MCFD2: variants seen among roughly 807,000 people sequenced by gnomAD.
MCFD2 encodes the protein multiple coagulation factor deficiency 2, ER cargo receptor complex subunit, also known as multiple coagulation factor deficiency protein 2.
In MCFD2, 11 loss-of-function variants were observed where a neutral mutation model predicts 12.8. The ratio of observed to expected loss-of-function variants is 0.86; its 90% CI spans 0.54 to 1.42. The LOEUF (loss-of-function observed/expected upper bound fraction) is 1.42. MCFD2 is among the 40% of genes most tolerant of loss of function. The pLI, the probability that MCFD2 is intolerant of heterozygous loss-of-function variation, is 0.00. For missense variants in MCFD2, 191 were observed against 178.6 expected (o/e 1.07, Z -0.40); for synonymous variants, 70 against 68.1 (o/e 1.03, Z -0.14).
At chr2:46,933,550 A>AC (rs1056034251) in intron 1 of MCFD2, among the ~76,000 whole-genome samples, 1 of 152,208 alleles carries the variant, frequency 6.6e-6, no homozygotes, top group Non-Finnish European at 1.5e-5. Flanking sequence ...TTTAATGACA[A>AC]CATTCTGGGA....
At chr2:46,933,342 G>A (rs1354709726) in intron 1 of MCFD2, among the ~76,000 whole-genome samples, 1 of 152,228 alleles carries the variant, frequency 6.6e-6, no homozygotes, top group Non-Finnish European at 1.5e-5. Flanking sequence ...ATCTCCAAGT[G>A]TGGGAAAATC....
rs1275245763 is a variant in MCFD2 at position 46,908,701 on chromosome 2, G to A, written c.149+322C>T. 5.0e-6 allele frequency: 2 copies of A among 399,384 alleles called. No individual in the cohort carries two copies. Among genetic ancestry groups the A allele is most frequent in the Non-Finnish European group, 9.3e-6 (2 of 214,324 alleles). 24.7% of individuals were successfully genotyped at this position (399,384 alleles called of 1,614,324 possible). A position where few individuals can be genotyped will look rare whatever the true frequency, so the allele number is the denominator to read the frequency against. The stretch of plus-strand genomic sequence containing the variant: ...GTCAAGAAACCTTAGCTATTTTCTG[G>A]ATTCTGCTACTATGACTGTGTATGT... On this transcript the variant is annotated intron_variant, in intron 2 of 3. Coordinates refer to ENST00000319466, the MANE Select transcript of MCFD2 (RefSeq NM_139279.6). The surrounding 1 kb of genome is among the most constrained non-coding windows in gnomAD (Gnocchi z 4.5).
At chr2:46,905,687 CTGTT>C (rs1176284373) in intron 3 of MCFD2, 93 bp from the exon 4 acceptor site, 41 of 652,220 alleles carry the variant, frequency 6.3e-5, no homozygotes, top group East Asian at 4.0e-4. Flanking sequence ...TTTCATGGCA[CTGTT>C]TATTAAAAAA....
intron 1 of MCFD2, among the ~76,000 whole-genome samples, chr2:46,922,233 T>G (rs930403371): frequency 1.3e-5 from 2 of 152,182 alleles, no homozygotes; most frequent in Non-Finnish European, 2.9e-5. Flanking sequence ...TAATGTTGCA[T>G]TAGGCCTATA....
chr2:46,931,674 A>G (rs1669710843), intron 1 of MCFD2, among the ~76,000 whole-genome samples: 1 of 149,852 alleles, frequency 6.7e-6, no homozygotes, highest in African/African-American at 2.5e-5. Context: ...CTTTGGGGGA[A>G]AAAACAAAAA....
upstream of MCFD2, chr2:46,916,129 A>G (rs1668776794): frequency 1.0e-6 from 1 of 985,372 alleles, no homozygotes; most frequent in South Asian, 4.7e-5. Flanking sequence ...GGCGGACCCC[A>G]AAGCTGGCTC....
intron 1 of MCFD2, among the ~76,000 whole-genome samples, chr2:46,923,608 T>C (rs1334952170): frequency 6.6e-6 from 1 of 152,216 alleles, no homozygotes; most frequent in African/African-American, 2.4e-5. Context: ...AAACTCAGAA[T>C]TGACCAGGTG....
chr2:46,941,559 G>C lies in MCFD2; in HGVS notation c.-8+13C>G. 6.4e-7 allele frequency: 1 copy of C among 1,555,664 alleles called. No individual in the cohort carries two copies. Among genetic ancestry groups the C allele is most frequent in the Non-Finnish European group, 8.7e-7 (1 of 1,150,164 alleles). On this transcript the variant is annotated intron_variant, in intron 1 of 2. Coordinates refer to the MCFD2 transcript ENST00000409147. The surrounding 1 kb of genome is among the most constrained non-coding windows in gnomAD (Gnocchi z 4.2). ...GCGAGAAGATGGCTGCGAAGGGCGCGCACGGCTCCTACCTGAAGGTGGAGA... is the reference window on the plus strand; with the variant it reads ...GCGAGAAGATGGCTGCGAAGGGCGCCCACGGCTCCTACCTGAAGGTGGAGA...
intron 1 of MCFD2, among the ~76,000 whole-genome samples, chr2:46,914,269 C>T (rs1668603763): frequency 6.6e-6 from 1 of 152,222 alleles, no homozygotes; most frequent in Admixed American, 6.5e-5. Context: ...TTGGGGCCAG[C>T]CTTCCTGCCA....
Position 46,941,521 on chromosome 2 carries a change from C to T in MCFD2, c.-8+51G>A, listed in dbSNP as rs1464102635. On this transcript the variant is annotated intron_variant, in intron 1 of 2. Coordinates refer to the MCFD2 transcript ENST00000409147. This position sits in a 1 kb window ranked among gnomAD's most constrained non-coding sequence, Gnocchi z 4.2. ...GTCTCCACTTCTTGGCCGCACCTTCCATGACAGCGCCCGCGAGAAGATGGC... is the reference window on the plus strand; with the variant it reads ...GTCTCCACTTCTTGGCCGCACCTTCTATGACAGCGCCCGCGAGAAGATGGC... 13 of 1,550,152 alleles carry T rather than the reference C, an allele frequency of 8.4e-6. No individual in the cohort carries two copies. The Admixed American group carries it at 1.6e-4, about 19-fold the overall frequency.
At chr2:46,931,164 G>A (rs950751967) in intron 1 of MCFD2, among the ~76,000 whole-genome samples, 4 of 152,234 alleles carry the variant, frequency 2.6e-5, no homozygotes, top group African/African-American at 9.6e-5. Context: ...TATTTATTTA[G>A]GAGTGCAGTG....
chr2:46,941,786 A>T lies in MCFD2; in HGVS notation c.-222T>A. ...GCGCGCGAAACGCACCGCCTCCTCC[A>T]GGAAGCGCGCCCAGACAGTCCTCGG... On this transcript the variant is annotated 5_prime_UTR_variant, in exon 1 of 3. Transcript: ENST00000409147. This position sits in a 1 kb window ranked among gnomAD's most constrained non-coding sequence, Gnocchi z 4.2. 6.5e-7 allele frequency: 1 copy of T among 1,542,904 alleles called. No individual in the cohort carries two copies. Among genetic ancestry groups the T allele is most frequent in the Non-Finnish European group, 8.7e-7 (1 of 1,142,948 alleles).
At chr2:46,921,737 A>C (rs1669112899) in intron 1 of MCFD2, among the ~76,000 whole-genome samples, 1 of 152,214 alleles carries the variant, frequency 6.6e-6, no homozygotes, top group Non-Finnish European at 1.5e-5. Context: ...TGGTTTCAAA[A>C]TGAAACTGTT....
At chr2:46,918,060 A>G (rs1305820483), upstream of MCFD2, among the ~76,000 whole-genome samples, 1 of 152,178 alleles carries the variant, frequency 6.6e-6, no homozygotes, top group East Asian at 1.9e-4. Context: ...CTCTCTGACA[A>G]TGACCTCTCT....
At position 46,915,804 on chromosome 2, in the gene MCFD2, T is replaced by TCC. The variant is rs1558467300; in HGVS notation, c.-89_-88insGG. The TCC allele has an allele frequency of 3.5e-6, 2 of 567,968 alleles. No individual in the cohort carries two copies. Among genetic ancestry groups the TCC allele is most frequent in the Admixed American group, 3.2e-4 (1 of 3,092 alleles). The allele number at this position is 567,968 out of a possible 1,614,324, so 35.2% of individuals were successfully genotyped here. A position where few individuals can be genotyped will look rare whatever the true frequency, so the allele number is the denominator to read the frequency against. ...GTCCCCAAAACGCTCTTCCTCGGCT[T>TCC]CGCCCCGCCCCCCCCCCCCCCCCGA... On this transcript the variant is annotated 5_prime_UTR_variant, in exon 1 of 4. Coordinates refer to ENST00000319466, the MANE Select transcript of MCFD2 (RefSeq NM_139279.6).
At chr2:46,912,450 A>G (rs1343612594) in intron 1 of MCFD2, 1 of 152,288 alleles carries the variant, frequency 6.6e-6, no homozygotes, top group African/African-American at 2.4e-5. Context: ...CCATAGCAGA[A>G]CAACTTGTTC....
chr2:46,915,874 C>G, upstream of MCFD2: 2 of 983,366 alleles, frequency 2.0e-6, no homozygotes, highest in Non-Finnish European at 2.4e-6. Context: ...CCATTGGCGC[C>G]GCCGGGCCCC....
At position 46,907,947 on chromosome 2, in the gene MCFD2, C is replaced by T; in HGVS notation, c.172G>A (p.Gly58Ser). 6.2e-7 allele frequency: 1 copy of T among 1,614,144 alleles called. No individual in the cohort carries two copies. Among genetic ancestry groups the T allele is most frequent in the Non-Finnish European group, 8.5e-7 (1 of 1,180,038 alleles). ...TCCGCCTCTGGTTTGTTGATGACAC[C>T]TTCTAGATGCTCCATGATATGCCTA... The part of the protein sequence containing the change: ...DQEHIMEHLE[G>S]VINKPEAEMS... Residue 58 changes from glycine to serine, a missense_variant, in exon 3 of 4, where the codon GGT (glycine) becomes AGT (serine). Physicochemically the swap from Gly to Ser is moderately conservative, Grantham distance 56. Coordinates refer to ENST00000319466, the MANE Select transcript of MCFD2 (RefSeq NM_139279.6). This position sits in a 1 kb window ranked among gnomAD's most constrained non-coding sequence, Gnocchi z 4.1.
chr2:46,909,131 C>A lies in MCFD2; in HGVS notation c.41G>T (p.Gly14Val), dbSNP rs1668377204. ...RSLLRTPFLC[G>V]LLWAFCAPGA... ...TGGGGCACAAAAGGCCCAGAGCAGG[C>A]CACACAGGAAGGGGGTTCTGAGCAG... The change falls in exon 2 of 4, where the codon GGC becomes GTC. Residue 14 changes from glycine (G) to valine (V), a missense_variant. Transcript: ENST00000319466. The A allele has an allele frequency of 6.2e-7, 1 of 1,614,176 alleles. No homozygotes were observed. The highest frequency in any genetic ancestry group is 2.2e-5 in the East Asian group (1 of 44,892).
Sources: allele counts gnomAD v4.1 joint callset (sites outside exome capture counted in the v4.1 genomes callset), GRCh38; gene constraint gnomAD v4.1.1; non-coding constraint Gnocchi (gnomAD v3.1); transcripts MANE v1.5; gene names NCBI Gene and HGNC (gene_info 2026-07-23, HGNC 2026-07-21).